SOCS4: variants seen among roughly 807,000 people sequenced by gnomAD.
SOCS4 encodes the protein suppressor of cytokine signaling 4.
A neutral mutation model predicts 34.1 loss-of-function variants in SOCS4; 20 were observed. That is an observed-to-expected ratio of 0.59 (90% CI 0.41 to 0.85). The LOEUF (loss-of-function observed/expected upper bound fraction) is 0.85. Ranked by LOEUF, SOCS4 falls within the 40% of genes least tolerant of loss-of-function variation. The pLI, the probability that SOCS4 is intolerant of heterozygous loss-of-function variation, is 0.00. For missense variants in SOCS4, 479 were observed against 532.4 expected (o/e 0.90, Z 0.99); for synonymous variants, 180 against 186.4 (o/e 0.97, Z 0.28).
At chr14:55,030,053 C>T (rs1427288879) in intron 1 of SOCS4, among the ~76,000 whole-genome samples, 1 of 152,144 alleles carries the variant, frequency 6.6e-6, no homozygotes, top group Admixed American at 6.5e-5. Flanking sequence ...TCTAGTCACA[C>T]ACCTGCGAAA....
intron 2 of SOCS4, among the ~76,000 whole-genome samples, chr14:55,033,018 G>A (rs932959693): frequency 3.3e-5 from 5 of 152,072 alleles, no homozygotes; most frequent in African/African-American, 9.7e-5. Flanking sequence ...TCCTGACCTC[G>A]TGATCCACCC....
chr14:55,039,830 A>G (rs2042602448), intron 2 of SOCS4, among the ~76,000 whole-genome samples: 1 of 152,196 alleles, frequency 6.6e-6, no homozygotes, highest in Non-Finnish European at 1.5e-5. Flanking sequence ...CAGGAGGTCG[A>G]GCTTGCAGTG....
chr14:55,029,965 A>G (rs746295873), intron 1 of SOCS4, among the ~76,000 whole-genome samples: 1 of 152,166 alleles, frequency 6.6e-6, no homozygotes, highest in Non-Finnish European at 1.5e-5. Context: ...TTAACACTAG[A>G]TCCTTACTAC....
chr14:55,047,926 C>G lies in SOCS4; in HGVS notation c.*3562C>G, dbSNP rs2042691216. The G allele has an allele frequency of 6.0e-6, 1 of 167,008 alleles. No homozygotes were observed. 10.3% of individuals were successfully genotyped at this position (167,008 alleles called of 1,614,324 possible). A position where few individuals can be genotyped will look rare whatever the true frequency, so the allele number is the denominator to read the frequency against. On this transcript the variant is annotated 3_prime_UTR_variant, in exon 3 of 3. Transcript: ENST00000555846. ...TCCTATGAAACAAAAACCTTGAGAT[C>G]TCTTTTTTTTTGAGACAGAGTCTCG...
rs1295060290 is a variant in SOCS4 at position 55,043,141 on chromosome 14, G to A, written c.100G>A (p.Gly34Arg). 12 of 1,614,106 alleles carry A rather than the reference G, an allele frequency of 7.4e-6. No homozygotes were observed. The highest frequency in any genetic ancestry group is 5.3e-5 in the African/African-American group (4 of 74,944). ...CAGAAAAGACGGTTATGTGTGGAGT[G>A]GAAAGAAGTTATCTTGGTCAAAAAA... ...ADRKDGYVWS[G>R]KKLSWSKKSE... Residue 34 changes from glycine (G) to arginine (R), a missense_variant, in exon 3 of 3, where the codon GGA becomes AGA. Physicochemically the swap from Gly to Arg is moderately radical, Grantham distance 125. Coordinates refer to ENST00000555846, the MANE Select transcript of SOCS4 (RefSeq NM_199421.2).
intron 2 of SOCS4, among the ~76,000 whole-genome samples, chr14:55,035,176 A>C (rs2140244350): frequency 6.6e-6 from 1 of 152,244 alleles, no homozygotes; most frequent in South Asian, 2.1e-4. Flanking sequence ...TAGCTCTTTA[A>C]GTACAGGTGA....
In SOCS4 at chr14:55,049,419, T is replaced by C. The variant is rs115948544; in HGVS notation, c.*5055T>C. Reference sequence around the variant, plus strand: ...TAAGTTGAATGTTTCTTCTTGGATGTAAGTTCAAATAAATTGATCTGGATA... The same window carrying C: ...TAAGTTGAATGTTTCTTCTTGGATGCAAGTTCAAATAAATTGATCTGGATA... On this transcript the variant is annotated 3_prime_UTR_variant, in exon 3 of 3. Transcript: ENST00000555846. The C allele has an allele frequency of 2.6e-3, 428 of 167,238 alleles. 1 individual carries two copies. The highest frequency in any genetic ancestry group is 9.3e-3 in the African/African-American group (386 of 41,590). The allele number at this position is 167,238 out of a possible 1,614,324, so 10.4% of individuals were successfully genotyped here. A position where few individuals can be genotyped will look rare whatever the true frequency, so the allele number is the denominator to read the frequency against.
chr14:55,044,430 A>G lies in SOCS4; in HGVS notation c.*66A>G. The G allele has an allele frequency of 8.3e-7, 1 of 1,206,152 alleles. No homozygotes were observed. Among genetic ancestry groups the G allele is most frequent in the Non-Finnish European group, 1.1e-6 (1 of 939,858 alleles). The allele number at this position is 1,206,152 out of a possible 1,614,324, so 74.7% of individuals were successfully genotyped here. A position where few individuals can be genotyped will look rare whatever the true frequency, so the allele number is the denominator to read the frequency against. On this transcript the variant is annotated 3_prime_UTR_variant, in exon 3 of 3. Transcript: ENST00000555846. ...CTTTTAATATTTTATTTTTCTTTTT[A>G]TGCCACTTTGGATTTTTCTACAAAG...
In SOCS4 at chr14:55,033,804, T is replaced by G. The variant is rs76992629; in HGVS notation, c.-91+1813T>G. On this transcript the variant is annotated intron_variant, in intron 2 of 2. Transcript: ENST00000555846. ...AAAGTATTTTAAAGATTCTCTTGTT[T>G]AAAATAATACAATCCACGAAATATT... is the stretch of plus-strand genomic sequence containing the variant. Among the ~76,000 whole-genome samples, 535 of 152,358 alleles carry G rather than the reference T, an allele frequency of 3.5e-3. 33 individuals are homozygous for G. In the East Asian group the frequency reaches 0.095, roughly 27 times the overall value.
Position 55,043,915 on chromosome 14 carries a change from G to A in SOCS4, c.874G>A (p.Asp292Asn). ...NNNPCYWGVM[D>N]KYAAEALLEG... ...CAACCCATGTTACTGGGGAGTGATGGATAAATACGCAGCCGAAGCACTACT... is the reference window on the plus strand; with the variant it reads ...CAACCCATGTTACTGGGGAGTGATGAATAAATACGCAGCCGAAGCACTACT... The change falls in exon 3 of 3, where the codon GAT becomes AAT. Residue 292 changes from aspartate (D) to asparagine (N), a missense_variant. Asp to Asn is a conservative substitution (Grantham distance 23). Transcript: ENST00000555846. 2 of 1,614,144 alleles carry A rather than the reference G, an allele frequency of 1.2e-6. No homozygotes were observed. The highest frequency in any genetic ancestry group is 1.7e-6 in the Non-Finnish European group (2 of 1,180,024).
rs2042658907 is a variant in SOCS4 at position 55,044,750 on chromosome 14, T to C, written c.*386T>C. The C allele has an allele frequency of 6.0e-6, 1 of 167,696 alleles. No homozygotes were observed. The highest frequency in any genetic ancestry group is 2.1e-4 in the South Asian group (1 of 4,874). The allele number at this position is 167,696 out of a possible 1,614,324, so 10.4% of individuals were successfully genotyped here. A position where few individuals can be genotyped will look rare whatever the true frequency, so the allele number is the denominator to read the frequency against. ...ATACTATTCTTTAAAAGTAATCTTA[T>C]GTCCTTTCCTACATGTAAAATATTT... On this transcript the variant is annotated 3_prime_UTR_variant, in exon 3 of 3. Transcript: ENST00000555846.
chr14:55,042,254 A>G (rs1021352272), intron 2 of SOCS4, among the ~76,000 whole-genome samples: 5 of 152,198 alleles, frequency 3.3e-5, no homozygotes, highest in Non-Finnish European at 7.3e-5. Context: ...CTTGTTTTCA[A>G]ATGATCAAGA....
Position 55,043,118 on chromosome 14 carries a change from G to A in SOCS4, c.77G>A (p.Arg26Lys), listed in dbSNP as rs1391588676. The change falls in exon 3 of 3, where the codon AGA (arginine) becomes AAA (lysine). Residue 26 changes from arginine to lysine, a missense_variant. Arg to Lys is a conservative substitution (Grantham distance 26). Coordinates refer to ENST00000555846, the MANE Select transcript of SOCS4 (RefSeq NM_199421.2). ...PKTSRSRSAD[R>K]KDGYVWSGKK... ...ACTAGTCGGAGCAGAAGTGCCGACAGAAAAGACGGTTATGTGTGGAGTGGA... is the reference window on the plus strand; with the variant it reads ...ACTAGTCGGAGCAGAAGTGCCGACAAAAAAGACGGTTATGTGTGGAGTGGA... The A allele has an allele frequency of 2.5e-6, 4 of 1,614,112 alleles. No homozygotes were observed. Among genetic ancestry groups the A allele is most frequent in the African/African-American group, 1.3e-5 (1 of 74,940 alleles).
chr14:55,039,270 TA>T (rs2042597421), intron 2 of SOCS4, among the ~76,000 whole-genome samples: 1 of 151,996 alleles, frequency 6.6e-6, no homozygotes, highest in South Asian at 2.1e-4. Context: ...ACTCTGTCTC[TA>T]CAAAAAAATT....
At chr14:55,036,541 A>C (rs912223289) in intron 2 of SOCS4, among the ~76,000 whole-genome samples, 1 of 151,776 alleles carries the variant, frequency 6.6e-6, no homozygotes, top group Non-Finnish European at 1.5e-5. Context: ...ACGGGGTTTT[A>C]CCATGTTGGC....
intron 1 of SOCS4, among the ~76,000 whole-genome samples, 189 bp from the exon 2 acceptor site, chr14:55,031,674 C>CT (rs1222239767): frequency 1.3e-5 from 2 of 152,140 alleles, no homozygotes; most frequent in Non-Finnish European, 2.9e-5. Flanking sequence ...ATCAATGATT[C>CT]TTTTTTAGAA....
At chr14:55,036,722 A>G (rs1566754333) in intron 2 of SOCS4, among the ~76,000 whole-genome samples, 3 of 152,092 alleles carry the variant, frequency 2.0e-5, no homozygotes, top group Admixed American at 2.0e-4. Flanking sequence ...TGAAATGCCT[A>G]TATTAATCTC....
intron 2 of SOCS4, among the ~76,000 whole-genome samples, chr14:55,042,123 A>G (rs562266771): frequency 2.0e-5 from 3 of 152,166 alleles, no homozygotes; most frequent in Non-Finnish European, 4.4e-5. Flanking sequence ...ATACTTAAGT[A>G]AATTCCATTT....
intron 2 of SOCS4, among the ~76,000 whole-genome samples, chr14:55,037,448 T>G (rs1374315830): frequency 6.6e-6 from 1 of 151,946 alleles, no homozygotes; most frequent in Non-Finnish European, 1.5e-5. Flanking sequence ...AACAATCATA[T>G]TTTTAATTTC....
Sources: allele counts gnomAD v4.1 joint callset (sites outside exome capture counted in the v4.1 genomes callset), GRCh38; gene constraint gnomAD v4.1.1; transcripts MANE v1.5; gene names NCBI Gene and HGNC (gene_info 2026-07-23, HGNC 2026-07-21).